VPS50: variants seen among roughly 807,000 people sequenced by gnomAD.
VPS50 encodes VPS50 subunit of EARP/GARPII complex, also known as syndetin.
In VPS50, 70 loss-of-function variants were observed where a neutral mutation model predicts 139.7. That is an observed-to-expected ratio of 0.50 (90% CI 0.41 to 0.61). The LOEUF (loss-of-function observed/expected upper bound fraction) is 0.61, where lower values mean the gene tolerates loss of function less well. Ranked by LOEUF, VPS50 falls within the 20% of genes least tolerant of loss-of-function variation. VPS50 has a pLI of 0.00. For synonymous variants in VPS50, 365 were observed against 376.7 expected, an observed-to-expected ratio of 0.97 and a Z score of 0.36; for missense variants, 921 against 1,133.7, an observed-to-expected ratio of 0.81 and a Z score of 2.69.
intron 21 of VPS50, among the ~76,000 whole-genome samples, chr7:93,326,913 T>G (rs1797798109): frequency 6.6e-6 from 1 of 152,198 alleles, no homozygotes; most frequent in South Asian, 2.1e-4. Flanking sequence ...CCTGGGTTCT[T>G]AATTCTGAAA....
chr7:93,307,679 CTGT>C (rs1199488009), intron 18 of VPS50, among the ~76,000 whole-genome samples: 5 of 151,926 alleles, frequency 3.3e-5, no homozygotes, highest in Non-Finnish European at 5.9e-5. Context: ...TCACAAACCT[CTGT>C]TGTTGTAATC....
chr7:93,283,252 G>C (rs993585189), intron 12 of VPS50, among the ~76,000 whole-genome samples: 1 of 149,696 alleles, frequency 6.7e-6, no homozygotes, highest in African/African-American at 2.5e-5. Flanking sequence ...TTTTGAGGCG[G>C]AGTCTCCCTC....
chr7:93,355,579 A>G (rs1177628835), intron 26 of VPS50, among the ~76,000 whole-genome samples: 2 of 152,186 alleles, frequency 1.3e-5, no homozygotes, highest in Non-Finnish European at 2.9e-5. Context: ...ATTAACTGGA[A>G]TACCAGTTTA....
intron 2 of VPS50, among the ~76,000 whole-genome samples, chr7:93,250,348 A>G (rs1795284718): frequency 6.6e-6 from 1 of 152,184 alleles, no homozygotes; most frequent in African/African-American, 2.4e-5. Flanking sequence ...CTTCTTACAA[A>G]TAAAAAATAT....
At chr7:93,317,982 AT>A (rs758595239) in intron 20 of VPS50, among the ~76,000 whole-genome samples, 3 of 151,946 alleles carry the variant, frequency 2.0e-5, no homozygotes, top group Non-Finnish European at 4.4e-5. Context: ...TAAGAAAAAA[AT>A]ATTTTCATAT....
intron 12 of VPS50, among the ~76,000 whole-genome samples, chr7:93,289,807 A>G (rs185263557): frequency 1.3e-5 from 2 of 152,212 alleles, no homozygotes; most frequent in East Asian, 1.9e-4. Context: ...TCTTTATCAT[A>G]TACCAGATTT....
chr7:93,312,988 A>G (rs1437918017), intron 20 of VPS50, among the ~76,000 whole-genome samples: 1 of 152,218 alleles, frequency 6.6e-6, no homozygotes, highest in African/African-American at 2.4e-5. Context: ...GTGCATCAAG[A>G]CGTTCAACCA....
chr7:93,346,568 C>G (rs1311307348), intron 23 of VPS50, among the ~76,000 whole-genome samples: 1 of 152,046 alleles, frequency 6.6e-6, no homozygotes, highest in Non-Finnish European at 1.5e-5. Context: ...TACCTGACTT[C>G]AAACTATACT....
chr7:93,236,255 C>T (rs1794796889), intron 1 of VPS50, among the ~76,000 whole-genome samples: 1 of 152,034 alleles, frequency 6.6e-6, no homozygotes, highest in African/African-American at 2.4e-5. Context: ...CCTTGGTGCC[C>T]CAACTACAGC....
At chr7:93,307,726 C>G (rs1373880331) in intron 18 of VPS50, among the ~76,000 whole-genome samples, 2 of 151,880 alleles carry the variant, frequency 1.3e-5, no homozygotes, top group Non-Finnish European at 2.9e-5. Flanking sequence ...TACCTTTCTG[C>G]ATAGCATCAG....
chr7:93,329,434 A>G (rs1797872295), intron 21 of VPS50, among the ~76,000 whole-genome samples: 1 of 152,088 alleles, frequency 6.6e-6, no homozygotes, highest in African/African-American at 2.4e-5. Flanking sequence ...TAAAAGGAAA[A>G]AAGTCTCACA....
intron 19 of VPS50, 65 bp downstream of exon 19, chr7:93,309,007 C>A: frequency 3.7e-6 from 3 of 801,650 alleles, no homozygotes; most frequent in Non-Finnish European, 4.1e-6. Context: ...ATAGGATTTC[C>A]TTTAAGGTTA....
intron 1 of VPS50, among the ~76,000 whole-genome samples, chr7:93,235,320 T>C (rs967915858): frequency 1.1e-4 from 16 of 152,172 alleles, no homozygotes; most frequent in Non-Finnish European, 1.8e-4. Context: ...TAGTACCTTA[T>C]AGGTAATAGC....
At chr7:93,262,103 A>G (rs1795702968) in intron 9 of VPS50, among the ~76,000 whole-genome samples, 1 of 152,146 alleles carries the variant, frequency 6.6e-6, no homozygotes, top group South Asian at 2.1e-4. Context: ...AAAATAGCAT[A>G]ATAATATACT....
rs1170998542 is a variant in VPS50, at chr7:93,273,385, G to GT, written c.801+656dup. Reference sequence around the variant, plus strand: ...AACATTTAATGTGATAGATGTAAATGTTTTCTTCCCTTAAACGGTCCCCTC... The same window carrying GT: ...AACATTTAATGTGATAGATGTAAATGTTTTTCTTCCCTTAAACGGTCCCCTC... On this transcript the variant is annotated intron_variant, in intron 11 of 27. Transcript: ENST00000305866. 3 of 151,918 alleles carry GT rather than the reference G, an allele frequency of 2.0e-5. No homozygotes were observed. In the East Asian group the frequency reaches 5.8e-4, roughly 29 times the overall value. The allele number at this position is 151,918 out of a possible 1,614,324, so 9.4% of individuals were successfully genotyped here.
intron 9 of VPS50, among the ~76,000 whole-genome samples, chr7:93,270,858 G>C (rs908451976): frequency 6.6e-6 from 1 of 151,836 alleles, no homozygotes; most frequent in African/African-American, 2.4e-5. Context: ...TAAAAATAAA[G>C]GGCAAAAGTC....
At chr7:93,282,143 G>A (rs747568959) in intron 12 of VPS50, among the ~76,000 whole-genome samples, 7 of 151,832 alleles carry the variant, frequency 4.6e-5, no homozygotes, top group Non-Finnish European at 1.0e-4. Context: ...GGCGGAGCTT[G>A]CCGTGAGCTG....
chr7:93,347,707 G>A (rs370661751), intron 23 of VPS50, among the ~76,000 whole-genome samples: 2 of 147,698 alleles, frequency 1.4e-5, no homozygotes, highest in African/African-American at 5.1e-5. Context: ...ATCATCATTC[G>A]CAGTAAACTA....
chr7:93,246,740 A>G (rs911023472), intron 2 of VPS50, among the ~76,000 whole-genome samples: 3 of 151,934 alleles, frequency 2.0e-5, no homozygotes, highest in Admixed American at 6.6e-5. Context: ...GTGATTAAAT[A>G]CAAAATTAGT....
Sources: allele counts gnomAD v4.1 joint callset (sites outside exome capture counted in the v4.1 genomes callset), GRCh38; gene constraint gnomAD v4.1.1; transcripts MANE v1.5; gene names NCBI Gene and HGNC (gene_info 2026-07-23, HGNC 2026-07-21).